The following ELK3 variants were observed in gnomAD, a reference collection of about 807,000 sequenced individuals.
ELK3 encodes the protein ETS domain-containing protein Elk-3.
Under a neutral mutation model 28.9 loss-of-function variants are expected in ELK3, and 10 were observed. The observed-to-expected ratio is 0.35, with a 90% confidence interval of 0.21 to 0.59. The LOEUF (loss-of-function observed/expected upper bound fraction) is 0.59. Ranked by LOEUF, ELK3 falls within the 20% of genes least tolerant of loss-of-function variation. ELK3 has a pLI of 0.82. For synonymous variants in ELK3, 272 were observed against 243.5 expected (o/e 1.12, Z -1.09); for missense variants, 463 against 517.3 (o/e 0.90, Z 1.02).
intron 2 of ELK3, chr12:96,224,037 T>C: frequency 2.2e-6 from 1 of 446,696 alleles, no homozygotes; most frequent in Admixed American, 3.5e-5. Context: ...ACAATACAAA[T>C]GAGATGCAGG....
intron 2 of ELK3, among the ~76,000 whole-genome samples, chr12:96,234,196 T>C (rs573186193): frequency 1.2e-3 from 176 of 152,316 alleles, no homozygotes; most frequent in African/African-American, 3.9e-3. Flanking sequence ...CCAGCTTCCC[T>C]GTGGCACTCA....
intron 4 of ELK3, among the ~76,000 whole-genome samples, chr12:96,266,509 T>C (rs2137047704): frequency 6.6e-6 from 1 of 152,344 alleles, no homozygotes; most frequent in Admixed American, 6.5e-5. Flanking sequence ...TTGTCACTTA[T>C]GAGTGATCTG....
chr12:96,234,121 G>C (rs1951762839), intron 2 of ELK3, among the ~76,000 whole-genome samples: 1 of 152,230 alleles, frequency 6.6e-6, no homozygotes, highest in African/African-American at 2.4e-5. Context: ...CAGGGGACCA[G>C]GCTGCTGGGA....
chr12:96,212,425 T>G (rs1249765757), intron 1 of ELK3, among the ~76,000 whole-genome samples: 3 of 152,232 alleles, frequency 2.0e-5, no homozygotes, highest in Admixed American at 1.3e-4. Context: ...TGAGGGGGCC[T>G]AGGGACTGCC....
intron 3 of ELK3, among the ~76,000 whole-genome samples, chr12:96,251,833 C>T (rs1951909484): frequency 6.6e-6 from 1 of 152,188 alleles, no homozygotes; most frequent in Admixed American, 6.5e-5. Context: ...AAGAAAAAAG[C>T]CATCTCCATA....
intron 2 of ELK3, among the ~76,000 whole-genome samples, chr12:96,243,717 G>A (rs983370534): frequency 4.6e-5 from 7 of 152,000 alleles, no homozygotes; most frequent in African/African-American, 9.7e-5. Flanking sequence ...GGTGGCGGGC[G>A]CCTGTAGTCC....
intron 1 of ELK3, among the ~76,000 whole-genome samples, chr12:96,213,429 C>G (rs146248131): frequency 6.6e-6 from 1 of 152,120 alleles, no homozygotes; most frequent in Non-Finnish European, 1.5e-5. Context: ...ACTGTGGGCC[C>G]GCTCTGAAAA....
intron 4 of ELK3, among the ~76,000 whole-genome samples, chr12:96,261,322 T>C (rs1039964664): frequency 1.3e-5 from 2 of 152,138 alleles, no homozygotes; most frequent in Non-Finnish European, 2.9e-5. Context: ...TCACAACAAC[T>C]TGAGCTATAG....
chr12:96,218,506 T>G (rs1310155773), intron 1 of ELK3, among the ~76,000 whole-genome samples: 1 of 152,002 alleles, frequency 6.6e-6, no homozygotes, highest in Non-Finnish European at 1.5e-5. Flanking sequence ...AGATTACCTG[T>G]TGGGTGCAGT....
At chr12:96,206,271 AG>A (rs1951537538) in intron 1 of ELK3, among the ~76,000 whole-genome samples, 1 of 152,006 alleles carries the variant, frequency 6.6e-6, no homozygotes, top group African/African-American at 2.4e-5. Context: ...ACCTAATGAA[AG>A]GGGCAATTTT....
At chr12:96,230,844 A>C (rs1951735658) in intron 2 of ELK3, among the ~76,000 whole-genome samples, 1 of 152,196 alleles carries the variant, frequency 6.6e-6, no homozygotes, top group African/African-American at 2.4e-5. Flanking sequence ...CTGGAGGGCC[A>C]GGGTTCCGCA....
chr12:96,223,616 A>C lies in ELK3; in HGVS notation c.50A>C (p.Asp17Ala). 1 of 1,614,172 alleles carries C rather than the reference A, an allele frequency of 6.2e-7. No homozygotes were observed. Among genetic ancestry groups the C allele is most frequent in the South Asian group, 1.1e-5 (1 of 91,082 alleles). The stretch of plus-strand genomic sequence containing the variant: ...CAGTTCCTGTTGCAGTTGCTGCTGG[A>C]TCAGAAACATGAGCATTTGATCTGC... ...LWQFLLQLLL[D>A]QKHEHLICWT... Residue 17 changes from aspartate to alanine, a missense_variant, in exon 2 of 5, where the codon GAT becomes GCT. Physicochemically the swap from Asp to Ala is moderately radical, Grantham distance 126 (BLOSUM62 -2). Coordinates refer to ENST00000228741, the MANE Select transcript of ELK3 (RefSeq NM_005230.4).
intron 3 of ELK3, among the ~76,000 whole-genome samples, chr12:96,253,567 G>A (rs1951924174): frequency 6.6e-6 from 1 of 152,194 alleles, no homozygotes; most frequent in Non-Finnish European, 1.5e-5. Context: ...CAGAGATTCA[G>A]TCACCTTTTA....
rs1249811833 is a variant in ELK3, at chr12:96,247,749, T to C, written c.1002+15T>C. 1.3e-6 allele frequency: 2 copies of C among 1,516,564 alleles called. No homozygotes were observed. The highest frequency in any genetic ancestry group is 2.8e-5 in the African/African-American group (2 of 71,134). 93.9% of individuals were successfully genotyped at this position (1,516,564 alleles called of 1,614,324 possible). A position where few individuals can be genotyped will look rare whatever the true frequency, so the allele number is the denominator to read the frequency against. ...TCACCGCACAGGTAAGAGTCATTCC[T>C]GTCATCTAAGCCACAGCCAGCTTCA... On this transcript the variant is annotated intron_variant, in intron 3 of 4. Transcript: ENST00000228741. This position sits in a 1 kb window ranked among gnomAD's most constrained non-coding sequence, Gnocchi z 5.5.
In ELK3 at chr12:96,223,553, C is replaced by G; in HGVS notation, c.-2-12C>G. The G allele has an allele frequency of 6.2e-7, 1 of 1,613,806 alleles. No homozygotes were observed. The highest frequency in any genetic ancestry group is 1.1e-5 in the South Asian group (1 of 91,074). The stretch of plus-strand genomic sequence containing the variant: ...TGACCAGCAGCTCTGACCTGGCCTC[C>G]TCTCCCTGCAGGTATGGAGAGTGCA... On this transcript the variant is annotated splice_polypyrimidine_tract_variant and intron_variant, in intron 1 of 4. Coordinates refer to ENST00000228741, the MANE Select transcript of ELK3 (RefSeq NM_005230.4).
intron 1 of ELK3, among the ~76,000 whole-genome samples, chr12:96,205,359 T>A (rs941556303): frequency 3.3e-5 from 5 of 152,350 alleles, no homozygotes; most frequent in African/African-American, 1.2e-4. Context: ...CTTGAAACCC[T>A]CTGGCAACTA....
intron 1 of ELK3, among the ~76,000 whole-genome samples, chr12:96,221,113 G>A (rs938464040): frequency 2.0e-5 from 3 of 152,140 alleles, no homozygotes; most frequent in Non-Finnish European, 4.4e-5. Flanking sequence ...CCCAATGTCA[G>A]CACTCCTCCC....
At chr12:96,231,360 C>T (rs1400417397) in intron 2 of ELK3, among the ~76,000 whole-genome samples, 1 of 152,210 alleles carries the variant, frequency 6.6e-6, no homozygotes, top group Non-Finnish European at 1.5e-5. Context: ...GACCCTTCAT[C>T]TTAGAGTAGA....
intron 1 of ELK3, chr12:96,212,683 C>T (rs1209059130): frequency 6.6e-6 from 1 of 152,104 alleles, no homozygotes; most frequent in African/African-American, 2.4e-5. Flanking sequence ...GGCTTATATT[C>T]CTTTAACCAC....
Sources: allele counts gnomAD v4.1 joint callset (sites outside exome capture counted in the v4.1 genomes callset), GRCh38; gene constraint gnomAD v4.1.1; non-coding constraint Gnocchi (gnomAD v3.1); transcripts MANE v1.5; gene names NCBI Gene and HGNC (gene_info 2026-07-23, HGNC 2026-07-21).